KCNIP4: variants seen among roughly 807,000 people sequenced by gnomAD.
KCNIP4 encodes Kv channel-interacting protein 4.
A neutral mutation model predicts 34.0 loss-of-function variants in KCNIP4; 12 were observed. That is an observed-to-expected ratio of 0.35 (90% CI 0.23 to 0.57). The LOEUF (loss-of-function observed/expected upper bound fraction) is 0.57, where lower values mean the gene tolerates loss of function less well. Among genes scored for constraint, KCNIP4 ranks in the 20% least tolerant of loss-of-function variants. The pLI, the probability that KCNIP4 is intolerant of heterozygous loss-of-function variation, is 0.83. For synonymous variants in KCNIP4, 124 were observed against 102.2 expected (o/e 1.21, Z -1.29); for missense variants, 238 against 311.7 (o/e 0.76, Z 1.78).
chr4:21,190,329 C>T (rs550266085), intron 1 of KCNIP4, among the ~76,000 whole-genome samples: 1 of 152,074 alleles, frequency 6.6e-6, no homozygotes, highest in East Asian at 1.9e-4. Flanking sequence ...AGTATTGGTT[C>T]GTTGGTATTG....
intron 1 of KCNIP4, among the ~76,000 whole-genome samples, chr4:21,643,740 C>T (rs1377186787): frequency 6.6e-6 from 1 of 152,092 alleles, no homozygotes; most frequent in Non-Finnish European, 1.5e-5. Context: ...CAAACTTGAA[C>T]TCTTCCCTGG....
intron 2 of KCNIP4, among the ~76,000 whole-genome samples, chr4:20,861,612 A>G (rs1181369363): frequency 1.3e-5 from 2 of 152,200 alleles, no homozygotes; most frequent in Admixed American, 6.5e-5. Flanking sequence ...ATCTTACTTA[A>G]TATTTGTATA....
intron 8 of KCNIP4, chr4:20,731,510 C>G: frequency 2.0e-6 from 2 of 985,368 alleles, no homozygotes; most frequent in South Asian, 4.7e-5. Context: ...TTTTTTGTGA[C>G]TGAAGACCAT....
chr4:21,579,556 C>T (rs1403252127), intron 1 of KCNIP4, among the ~76,000 whole-genome samples: 3 of 152,054 alleles, frequency 2.0e-5, no homozygotes, highest in African/African-American at 4.8e-5. Flanking sequence ...TGTTTATCCT[C>T]CCATGGATTG....
chr4:21,258,117 TA>T (rs1761201477), intron 1 of KCNIP4, among the ~76,000 whole-genome samples: 1 of 152,184 alleles, frequency 6.6e-6, no homozygotes, highest in Non-Finnish European at 1.5e-5. Flanking sequence ...ATCTGTCACT[TA>T]ATTTTAGCTT....
At chr4:21,899,004 G>C (rs1198987849) in intron 1 of KCNIP4, among the ~76,000 whole-genome samples, 1 of 152,120 alleles carries the variant, frequency 6.6e-6, no homozygotes, top group Non-Finnish European at 1.5e-5. Context: ...ATGTGGAAAG[G>C]GGAGAAAACA....
chr4:21,569,980 T>TC (rs1274650882), intron 1 of KCNIP4, among the ~76,000 whole-genome samples: 1 of 151,698 alleles, frequency 6.6e-6, no homozygotes, highest in African/African-American at 2.4e-5. Flanking sequence ...TATGTGGTAC[T>TC]CCCCCCACTC....
chr4:21,042,815 G>A (rs867631337), intron 1 of KCNIP4, among the ~76,000 whole-genome samples: 15 of 152,114 alleles, frequency 9.9e-5, no homozygotes, highest in African/African-American at 2.4e-4. Context: ...TGTGTCAATC[G>A]TGAATAAGCA....
At chr4:21,629,324 T>C (rs1745549718) in intron 1 of KCNIP4, among the ~76,000 whole-genome samples, 1 of 152,230 alleles carries the variant, frequency 6.6e-6, no homozygotes, top group African/African-American at 2.4e-5. Context: ...ACTGATTGTA[T>C]TGCATCACTG....
intron 2 of KCNIP4, among the ~76,000 whole-genome samples, chr4:20,865,862 G>T (rs1560527310): frequency 1.3e-5 from 2 of 151,952 alleles, no homozygotes. Flanking sequence ...ATAAAAATGG[G>T]TAACTATCTG....
At chr4:21,815,659 T>C (rs1206053238) in intron 1 of KCNIP4, among the ~76,000 whole-genome samples, 3 of 152,228 alleles carry the variant, frequency 2.0e-5, no homozygotes, top group Non-Finnish European at 4.4e-5. Flanking sequence ...TGTTATCATT[T>C]GATATAAGCT....
chr4:21,777,312 C>A (rs565090913), intron 1 of KCNIP4, among the ~76,000 whole-genome samples: 124 of 152,188 alleles, frequency 8.1e-4, no homozygotes, highest in Non-Finnish European at 1.6e-3. Context: ...TCTTCACTCT[C>A]TAACTTACCA....
chr4:21,399,602 G>T (rs1723299208), intron 1 of KCNIP4, among the ~76,000 whole-genome samples: 1 of 151,290 alleles, frequency 6.6e-6, no homozygotes, highest in Non-Finnish European at 1.5e-5. Context: ...AACTGGGCTT[G>T]CCAGATAAAA....
chr4:21,597,116 A>C (rs112386830), intron 1 of KCNIP4, among the ~76,000 whole-genome samples: 1 of 152,052 alleles, frequency 6.6e-6, no homozygotes, highest in Non-Finnish European at 1.5e-5. Flanking sequence ...CTCAAATCTC[A>C]TCTTGAATTG....
intron 1 of KCNIP4, among the ~76,000 whole-genome samples, chr4:21,549,771 G>A (rs925286118): frequency 2.0e-5 from 3 of 151,944 alleles, no homozygotes; most frequent in African/African-American, 7.3e-5. Context: ...AAGGGCAGTG[G>A]GGCATAGAAG....
intron 8 of KCNIP4, among the ~76,000 whole-genome samples, chr4:20,731,074 A>AATTCTTTT (rs1286844447): frequency 1.1e-4 from 17 of 152,252 alleles, no homozygotes; most frequent in African/African-American, 3.9e-4. Context: ...TTATTTGAAA[A>AATTCTTTT]ATTCTTTTTT....
At chr4:21,121,887 AGAATTTT>A (rs1750187767) in intron 1 of KCNIP4, among the ~76,000 whole-genome samples, 1 of 152,232 alleles carries the variant, frequency 6.6e-6, no homozygotes, top group Non-Finnish European at 1.5e-5. Flanking sequence ...TGTCAGCTTC[AGAATTTT>A]GAATGTTAAA....
intron 1 of KCNIP4, among the ~76,000 whole-genome samples, chr4:21,139,007 C>T (rs1413499185): frequency 6.6e-6 from 1 of 152,176 alleles, no homozygotes; most frequent in Non-Finnish European, 1.5e-5. Context: ...GTGTTGTTTC[C>T]AACCATTAAG....
At chr4:21,072,839 G>C (rs1035056088) in intron 1 of KCNIP4, among the ~76,000 whole-genome samples, 1 of 152,142 alleles carries the variant, frequency 6.6e-6, no homozygotes, top group Non-Finnish European at 1.5e-5. Flanking sequence ...GTAAGGAAGG[G>C]ATCCAGTTTC....
Sources: allele counts gnomAD v4.1 joint callset (sites outside exome capture counted in the v4.1 genomes callset), GRCh38; gene constraint gnomAD v4.1.1; transcripts MANE v1.5; gene names NCBI Gene and HGNC (gene_info 2026-07-23, HGNC 2026-07-21).